IL32: variants seen among roughly 807,000 people sequenced by gnomAD.
IL32 encodes the protein interleukin 32.
IL32 carries 30 observed loss-of-function variants against 16.6 expected under a neutral mutation model. The observed-to-expected ratio is 1.81, with a 90% confidence interval of 1.35 to 2.45. IL32 has a LOEUF of 2.45. IL32 is among the 30% of genes most tolerant of loss of function. The pLI is 0.00. For missense variants in IL32, 234 were observed against 229.8 expected, an observed-to-expected ratio of 1.02 and a Z score of -0.12; for synonymous variants, 70 against 86.1, an observed-to-expected ratio of 0.81 and a Z score of 1.03.
At chr16:3,067,882 T>C in intron 4 of IL32, 102 bp from the exon 5 acceptor site, 12 of 1,389,028 alleles carry the variant, frequency 8.6e-6, no homozygotes, top group Non-Finnish European at 1.2e-5. Context: ...CTGGGCCCAG[T>C]TCGGGGTGTG....
At position 3,065,686 on chromosome 16, in the gene IL32, A is replaced by C. The variant is rs1422282161; in HGVS notation, c.-30A>C. The C allele has an allele frequency of 4.2e-6, 4 of 948,484 alleles. No homozygotes were observed. The highest frequency in any genetic ancestry group is 1.6e-5 in the African/African-American group (1 of 62,074). 58.8% of individuals were successfully genotyped at this position (948,484 alleles called of 1,614,324 possible). On this transcript the variant is annotated splice_region_variant and 5_prime_UTR_variant, in exon 1 of 7. Transcript: ENST00000525643. ...TGTCTCAGTGGAGCTGGGTCATCTC[A>C]GGTGGGGAGTTGGGGTCCCCGAAGG...
At position 3,069,419 on chromosome 16, in the gene IL32, G is replaced by A. The variant is rs1237201888; in HGVS notation, c.*64G>A. 2.6e-6 allele frequency: 4 copies of A among 1,521,996 alleles called. No individual in the cohort carries two copies. The highest frequency in any genetic ancestry group is 1.3e-5 in the South Asian group (1 of 77,556). The allele number at this position is 1,521,996 out of a possible 1,614,324, so 94.3% of individuals were successfully genotyped here. A position where few individuals can be genotyped will look rare whatever the true frequency, so the allele number is the denominator to read the frequency against. On this transcript the variant is annotated 3_prime_UTR_variant, in exon 7 of 7. Coordinates refer to ENST00000525643, the MANE Select transcript of IL32 (RefSeq NM_001376923.1). Reference sequence around the variant, plus strand: ...ACCCACCCTGACCCCTCCCTCAGCTGTCCTGTGCCCCGCCCTCTCCCGCAC... The same window carrying A: ...ACCCACCCTGACCCCTCCCTCAGCTATCCTGTGCCCCGCCCTCTCCCGCAC...
chr16:3,065,845 G>A lies in IL32; in HGVS notation c.15+19G>A, dbSNP rs1281341274. 6.2e-7 allele frequency: 1 copy of A among 1,614,058 alleles called. No individual in the cohort carries two copies. The highest frequency in any genetic ancestry group is 1.1e-5 in the South Asian group (1 of 91,086). On this transcript the variant is annotated intron_variant, in intron 2 of 6. Transcript: ENST00000525643. The stretch of plus-strand genomic sequence containing the variant: ...CCCGAAGGTGAGTGAGAGGCTGCGT[G>A]TGCTTTTGTGGGCATGTCTGAAAAC...
intron 2 of IL32, 102 bp from the exon 3 acceptor site, chr16:3,067,275 G>GTC (rs1555442493): frequency 2.0e-5 from 4 of 204,404 alleles, no homozygotes; most frequent in Admixed American, 1.5e-4. Context: ...GTGTCTCTGT[G>GTC]TGTGTGTGTG....
rs774105849 is a variant in IL32 at position 3,067,451 on chromosome 16, G to T, written c.54+36G>T. On this transcript the variant is annotated intron_variant, in intron 3 of 6. Transcript: ENST00000525643. ...TCCCTACTTCTGCTCAGGGGTTGGG[G>T]GCCTGGGTCTCAGCGTGTGACACTG... 17 of 1,611,154 alleles carry T rather than the reference G, an allele frequency of 1.1e-5. 1 individual carries two copies. Among genetic ancestry groups the T allele is most frequent in the Non-Finnish European group, 1.4e-5 (17 of 1,178,258 alleles).
intron 2 of IL32, among the ~76,000 whole-genome samples, chr16:3,066,729 A>G (rs1055543732): frequency 6.6e-6 from 1 of 152,192 alleles, no homozygotes; most frequent in Non-Finnish European, 1.5e-5. Context: ...TCAGCTCATC[A>G]GAGAGGAATG....
At chr16:3,065,559 G>A (rs45534137), upstream of IL32, 9,384 of 601,916 alleles carry the variant, frequency 0.016, 107 homozygotes, top group Non-Finnish European at 0.021. Context: ...CACGCACTCA[G>A]CAAGGCCTCC....
intron 4 of IL32, 103 bp from the exon 5 acceptor site, chr16:3,067,881 G>T: frequency 7.2e-7 from 1 of 1,394,930 alleles, no homozygotes; most frequent in Non-Finnish European, 1.0e-6. Flanking sequence ...GCTGGGCCCA[G>T]TTCGGGGTGT....
At chr16:3,067,263 A>ATGTGTCTCTGTG (rs1263482323) in intron 2 of IL32, 114 bp from the exon 3 acceptor site, 10 of 474,950 alleles carry the variant, frequency 2.1e-5, no homozygotes, top group Non-Finnish European at 3.5e-5. Flanking sequence ...TACCTCTGCC[A>ATGTGTCTCTGTG]TGTGTCTCTG....
rs188420220 is a variant in IL32 at position 3,067,718 on chromosome 16, C to A, written c.114+105C>A. ...AAGGATGAAGAGGGACCCACAGGCT[C>A]CCTCACCCCTTACCGTGGGCAAATG... On this transcript the variant is annotated intron_variant, in intron 4 of 6. Transcript: ENST00000525643. 155 of 964,942 alleles carry A rather than the reference C, an allele frequency of 1.6e-4. 1 individual carries two copies. The East Asian group carries it at 3.4e-3, about 21-fold the overall frequency. The allele number at this position is 964,942 out of a possible 1,614,324, so 59.8% of individuals were successfully genotyped here.
chr16:3,069,212 C>T lies in IL32; in HGVS notation c.424C>T (p.Gln142Ter), dbSNP rs1956794550. 6.2e-7 allele frequency: 1 copy of T among 1,614,212 alleles called. No individual in the cohort carries two copies. The highest frequency in any genetic ancestry group is 1.7e-5 in the Admixed American group (1 of 60,030). ...EKVVALVHAV[Q>*]ALWKQFQSFC... is the part of the protein sequence containing the mutation. ...GGTGGTGGCCCTGGTCCATGCAGTG[C>T]AGGCCCTCTGGAAACAGTTCCAGAG... The change falls in exon 7 of 7, where the codon CAG (glutamine) becomes TAG (stop). Residue 142 changes from glutamine to a stop codon, truncating the protein, a stop_gained. Transcript: ENST00000525643. LOFTEE classifies it low-confidence loss of function (END_TRUNC).
Position 3,067,756 on chromosome 16 carries a change from T to C in IL32, c.114+143T>C, listed in dbSNP as rs529352822. On this transcript the variant is annotated intron_variant, in intron 4 of 6. Transcript: ENST00000525643. ...CCGTGGGCAAATGCTTGCACCTGGG[T>C]GGCAGTGAGTGGGCGGGTGGGGGAT... 1.9e-3 allele frequency: 1,597 copies of C among 831,570 alleles called. 5 individuals are homozygous for C. The highest frequency in any genetic ancestry group is 2.8e-3 in the Non-Finnish European group (1,410 of 511,286). 51.5% of individuals were successfully genotyped at this position (831,570 alleles called of 1,614,324 possible).
At chr16:3,067,289 G>GTGTGTGTGTC in intron 2 of IL32, 88 bp from the exon 3 acceptor site, 1 of 559,190 alleles carries the variant, frequency 1.8e-6, no homozygotes, top group Non-Finnish European at 3.1e-6. Flanking sequence ...GTGTGTGTGT[G>GTGTGTGTGTC]TGTGTGTGTG....
At chr16:3,067,794 G>T (rs1321184877) in intron 4 of IL32, 181 bp downstream of exon 4, 5 of 801,464 alleles carry the variant, frequency 6.2e-6, no homozygotes, top group East Asian at 5.3e-5. Context: ...GGACGCCCGG[G>T]GAGACTGAGG....
intron 2 of IL32, 89 bp downstream of exon 2, chr16:3,065,915 G>GT (rs1956257550): frequency 1.3e-6 from 2 of 1,494,248 alleles, no homozygotes; most frequent in African/African-American, 2.8e-5. Context: ...CGAGGTGCCT[G>GT]TGTGTCAGGG....
At position 3,069,389 on chromosome 16, in the gene IL32, C is replaced by T. The variant is rs371381564; in HGVS notation, c.*34C>T. The T allele has an allele frequency of 1.9e-5, 30 of 1,556,186 alleles. No homozygotes were observed. Among genetic ancestry groups the T allele is most frequent in the African/African-American group, 1.9e-4 (14 of 73,604 alleles). On this transcript the variant is annotated 3_prime_UTR_variant, in exon 7 of 7. Transcript: ENST00000525643. ...ACACCACCTTTGCCCTCCCCGTCAC[C>T]GCGCACCCACCCTGACCCCTCCCTC... is the stretch of plus-strand genomic sequence containing the variant.
At chr16:3,067,530 T>C in intron 3 of IL32, 24 bp from the exon 4 acceptor site, 2 of 1,614,000 alleles carry the variant, frequency 1.2e-6, no homozygotes, top group Non-Finnish European at 1.7e-6. Flanking sequence ...GGCCCTTTGG[T>C]GCCAACTCTG....
At chr16:3,068,122 A>G (rs1311672728) in intron 5 of IL32, 58 bp from the exon 6 acceptor site, 19 of 1,603,604 alleles carry the variant, frequency 1.2e-5, no homozygotes, top group Non-Finnish European at 1.5e-5. Context: ...AGTGGGGGCC[A>G]CAGTGGGAAG....
chr16:3,069,454 C>G lies in IL32; in HGVS notation c.*99C>G, dbSNP rs1001597122. 3.7e-5 allele frequency: 52 copies of G among 1,390,804 alleles called. No individual in the cohort carries two copies. The highest frequency in any genetic ancestry group is 9.8e-6 in the Non-Finnish European group (10 of 1,025,608). 86.2% of individuals were successfully genotyped at this position (1,390,804 alleles called of 1,614,324 possible). A position where few individuals can be genotyped will look rare whatever the true frequency, so the allele number is the denominator to read the frequency against. ...CCGCCCTCTCCCGCACACTCAGTCC[C>G]CCTGCCTGGCGTTCCTGCCGCAGCT... On this transcript the variant is annotated 3_prime_UTR_variant, in exon 7 of 7. Coordinates refer to ENST00000525643, the MANE Select transcript of IL32 (RefSeq NM_001376923.1).
Sources: gnomAD v4.1 joint callset for allele counts (sites outside exome capture counted in the v4.1 genomes callset) on GRCh38, gnomAD v4.1.1 for gene constraint, MANE v1.5 for transcripts, NCBI Gene and HGNC (gene_info 2026-07-23, HGNC 2026-07-21) for gene names.